Variants in CACNA2D1 observed in about 807,000 individuals in gnomAD.
CACNA2D1 encodes calcium voltage-gated channel auxiliary subunit alpha2delta 1, also known as voltage-dependent calcium channel subunit alpha-2/delta-1.
Under a neutral mutation model 171.5 loss-of-function variants are expected in CACNA2D1, and 53 were observed. The ratio of observed to expected loss-of-function variants is 0.31; its 90% confidence interval spans 0.25 to 0.39. CACNA2D1 has a LOEUF of 0.39. Ranked by LOEUF, CACNA2D1 falls within the 10% of genes least tolerant of loss-of-function variation. The pLI is 1.00. For missense variants in CACNA2D1, 903 were observed against 1,299.8 expected (o/e 0.69, Z 4.69); for synonymous variants, 442 against 443.1 (o/e 1.00, Z 0.03).
intron 3 of CACNA2D1, among the ~76,000 whole-genome samples, chr7:82,322,451 CAAAAAAA>C (rs11440104): frequency 0.033 from 3,430 of 103,926 alleles, 134 homozygotes; most frequent in Admixed American, 0.14. Context: ...CCTGGCTTTA[CAAAAAAA>C]AAAAAAAAAA....
chr7:82,198,449 G>A (rs1013987517), intron 3 of CACNA2D1, among the ~76,000 whole-genome samples: 1 of 152,060 alleles, frequency 6.6e-6, no homozygotes, highest in African/African-American at 2.4e-5. Flanking sequence ...TTTCTTTGCT[G>A]CATGTTAGAA....
intron 1 of CACNA2D1, among the ~76,000 whole-genome samples, chr7:82,397,772 G>T (rs111938914): frequency 5.9e-5 from 9 of 152,136 alleles, no homozygotes; most frequent in Admixed American, 3.9e-4. Context: ...TGTGATAGGC[G>T]CTGTTATAAT....
chr7:82,223,975 G>A (rs1802067478), intron 3 of CACNA2D1, among the ~76,000 whole-genome samples: 1 of 151,956 alleles, frequency 6.6e-6, no homozygotes, highest in South Asian at 2.1e-4. Context: ...AAACATGCCA[G>A]GCACGATCCA....
At chr7:81,958,937 A>T (rs1292487364) in intron 38 of CACNA2D1, among the ~76,000 whole-genome samples, 1 of 152,034 alleles carries the variant, frequency 6.6e-6, no homozygotes, top group African/African-American at 2.4e-5. Context: ...ACTAACAAAA[A>T]TATAATAAAA....
chr7:82,303,116 C>T (rs1202841929), intron 3 of CACNA2D1, among the ~76,000 whole-genome samples: 1 of 152,116 alleles, frequency 6.6e-6, no homozygotes, highest in African/African-American at 2.4e-5. Context: ...GCCTCAGCCT[C>T]CTGAGTAGCT....
rs142847533 is a variant in CACNA2D1, at chr7:82,433,183, A to C, written c.95+10182T>G. ...AGCCTGAGTGACACAGTGAGACTCC[A>C]TCTCAAAAAAAAAAAAAAATTCTAA... On this transcript the variant is annotated intron_variant, in intron 1 of 38. Coordinates refer to ENST00000356860, the MANE Select transcript of CACNA2D1 (RefSeq NM_000722.4). 5.4e-3 allele frequency among the ~76,000 whole-genome samples: 817 copies of C among 150,868 alleles called. 4 individuals are homozygous for C. The highest frequency in any genetic ancestry group is 0.019 in the African/African-American group (767 of 40,746).
chr7:82,137,945 T>G (rs917388486), intron 4 of CACNA2D1, among the ~76,000 whole-genome samples: 7 of 152,130 alleles, frequency 4.6e-5, no homozygotes, highest in Admixed American at 4.6e-4. Flanking sequence ...AATTAGTGCT[T>G]CTCAGTGTAT....
chr7:81,957,192 A>G (rs977089990), intron 38 of CACNA2D1, among the ~76,000 whole-genome samples: 1 of 152,130 alleles, frequency 6.6e-6, no homozygotes, highest in East Asian at 1.9e-4. Flanking sequence ...AAATACCATG[A>G]AGCCTGTATA....
intron 1 of CACNA2D1, among the ~76,000 whole-genome samples, chr7:82,365,904 T>C (rs1475387178): frequency 1.3e-5 from 2 of 152,142 alleles, no homozygotes; most frequent in African/African-American, 2.4e-5. Flanking sequence ...GACAAGAATA[T>C]TGGGTACTCA....
chr7:82,359,527 G>A (rs1262099884), intron 1 of CACNA2D1, among the ~76,000 whole-genome samples: 1 of 152,058 alleles, frequency 6.6e-6, no homozygotes, highest in Non-Finnish European at 1.5e-5. Context: ...AAATATGTCA[G>A]CTTTGTCATG....
chr7:82,279,556 T>A (rs1238787424), intron 3 of CACNA2D1, among the ~76,000 whole-genome samples: 4 of 152,172 alleles, frequency 2.6e-5, no homozygotes, highest in Non-Finnish European at 5.9e-5. Context: ...CAAAGACCTC[T>A]TCCCCAAGTT....
intron 3 of CACNA2D1, among the ~76,000 whole-genome samples, chr7:82,202,516 G>A (rs1799556005): frequency 6.6e-6 from 1 of 152,168 alleles, no homozygotes; most frequent in African/African-American, 2.4e-5. Context: ...TCCCCCGTGA[G>A]GATGGAGAAG....
At chr7:82,091,738 T>A (rs1303423058) in intron 6 of CACNA2D1, among the ~76,000 whole-genome samples, 2 of 152,190 alleles carry the variant, frequency 1.3e-5, no homozygotes, top group Non-Finnish European at 2.9e-5. Flanking sequence ...TATTGTTTTA[T>A]CCTTTAAGCA....
At chr7:82,139,367 T>C (rs1792086145) in intron 4 of CACNA2D1, among the ~76,000 whole-genome samples, 1 of 152,218 alleles carries the variant, frequency 6.6e-6, no homozygotes, top group Admixed American at 6.5e-5. Flanking sequence ...ATTTTGATCC[T>C]GTTAAGAGCT....
At chr7:82,393,890 C>T (rs1396793508) in intron 1 of CACNA2D1, among the ~76,000 whole-genome samples, 1 of 152,140 alleles carries the variant, frequency 6.6e-6, no homozygotes, top group African/African-American at 2.4e-5. Flanking sequence ...ACCTCATAGA[C>T]TTCTAGTGTA....
intron 1 of CACNA2D1, among the ~76,000 whole-genome samples, chr7:82,367,305 G>GT (rs1821851783): frequency 6.6e-6 from 1 of 151,988 alleles, no homozygotes. Flanking sequence ...GATGTGGAGG[G>GT]TTTTTTGTAT....
chr7:82,109,056 T>G (rs1584776843), intron 6 of CACNA2D1, among the ~76,000 whole-genome samples: 1 of 152,282 alleles, frequency 6.6e-6, no homozygotes, highest in Non-Finnish European at 1.5e-5. Flanking sequence ...GAATCAAGAC[T>G]TTATAATTTA....
At chr7:82,216,813 A>T (rs76742923) in intron 3 of CACNA2D1, among the ~76,000 whole-genome samples, 45,291 of 150,460 alleles carry the variant, frequency 0.3, 7,268 homozygotes, top group Non-Finnish European at 0.37. Flanking sequence ...ATTTTTTTTT[A>T]AAAAAAGTAA....
At chr7:81,995,970 TAATTTG>T (rs1407807384) in intron 19 of CACNA2D1, among the ~76,000 whole-genome samples, 2 of 152,152 alleles carry the variant, frequency 1.3e-5, no homozygotes, top group East Asian at 3.9e-4. Context: ...ATTAAAGGAA[TAATTTG>T]AATTTGAAGA....
Sources: gnomAD v4.1 joint callset for allele counts (sites outside exome capture counted in the v4.1 genomes callset) on GRCh38, gnomAD v4.1.1 for gene constraint, MANE v1.5 for transcripts, NCBI Gene and HGNC (gene_info 2026-07-23, HGNC 2026-07-21) for gene names.